The following TLK1 variants were observed in gnomAD, a reference collection of about 807,000 sequenced individuals.
TLK1 encodes the protein serine/threonine-protein kinase tousled-like 1.
In TLK1, 24 loss-of-function variants were observed where a neutral mutation model predicts 105.3. The ratio of observed to expected loss-of-function variants is 0.23; its 90% CI spans 0.17 to 0.32. The LOEUF (loss-of-function observed/expected upper bound fraction) is 0.32. TLK1 is among the 10% of genes least tolerant of loss of function. TLK1 has a pLI of 1.00. For missense variants in TLK1, 558 were observed against 910.5 expected (o/e 0.61, Z 4.98); for synonymous variants, 321 against 310.4 (o/e 1.03, Z -0.36).
rs1018211660 is a variant in TLK1, at chr2:171,103,281, T to TATATATATATATATATAA, written c.258+14457_258+14458insTTATATATATATATATAT. On this transcript the variant is annotated intron_variant, in intron 2 of 20. Transcript: ENST00000431350. ...TCTCAAATTTATATATATATATATA[T>TATATATATATATATATAA]AATTTTTTTTGAGACATAAGTCACA... Among the ~76,000 whole-genome samples, 67 of 150,144 alleles carry TATATATATATATATATAA rather than the reference T, an allele frequency of 4.5e-4. 1 individual carries two copies. Among genetic ancestry groups the TATATATATATATATATAA allele is most frequent in the African/African-American group, 1.5e-3 (60 of 40,130 alleles).
intron 1 of TLK1, among the ~76,000 whole-genome samples, chr2:171,150,386 A>G (rs1691984542): frequency 6.6e-6 from 1 of 152,232 alleles, no homozygotes; most frequent in Non-Finnish European, 1.5e-5. Flanking sequence ...ATGATTCGCT[A>G]TAGTTGTTTT....
chr2:171,038,086 T>C (rs1050976690), intron 11 of TLK1, among the ~76,000 whole-genome samples: 8 of 152,216 alleles, frequency 5.3e-5, no homozygotes, highest in African/African-American at 1.7e-4. Context: ...TTGGTTCCAC[T>C]GTATTTTTCT....
chr2:171,206,102 G>A (rs1397621069), intron 1 of TLK1, among the ~76,000 whole-genome samples: 1 of 152,152 alleles, frequency 6.6e-6, no homozygotes, highest in Non-Finnish European at 1.5e-5. Flanking sequence ...TACAACTGAA[G>A]ATGGGAAAAA....
intron 1 of TLK1, among the ~76,000 whole-genome samples, chr2:171,230,036 A>G (rs1480951190): frequency 2.0e-5 from 3 of 152,194 alleles, no homozygotes; most frequent in Admixed American, 2.0e-4. Context: ...AGTAAAAAAA[A>G]AAGACTAATA....
chr2:171,026,830 T>A (rs963414492), intron 12 of TLK1, among the ~76,000 whole-genome samples: 2 of 152,168 alleles, frequency 1.3e-5, no homozygotes, highest in Non-Finnish European at 2.9e-5. Context: ...AGAACTATTA[T>A]GATAGTTATA....
At chr2:171,066,665 A>G (rs563986601) in intron 3 of TLK1, among the ~76,000 whole-genome samples, 1 of 152,340 alleles carries the variant, frequency 6.6e-6, no homozygotes, top group South Asian at 2.1e-4. Flanking sequence ...TGTTTAAAGG[A>G]GTATACTAAG....
chr2:171,103,228 G>C (rs1027751552), intron 2 of TLK1, among the ~76,000 whole-genome samples: 2 of 146,632 alleles, frequency 1.4e-5, no homozygotes, highest in Non-Finnish European at 3.0e-5. Context: ...GAAGTTTGGG[G>C]AAGGTTCTGA....
chr2:171,000,376 C>CAAAAAAAAAA (rs34800888), intron 18 of TLK1, among the ~76,000 whole-genome samples: 1 of 78,378 alleles, frequency 1.3e-5, no homozygotes, highest in Non-Finnish European at 2.5e-5. Context: ...GAAACTCTGT[C>CAAAAAAAAAA]AAAAAAAAAA....
At position 171,013,774 on chromosome 2, in the gene TLK1, T is replaced by C. The variant is rs555704263; in HGVS notation, c.1334+1077A>G. Among the ~76,000 whole-genome samples, 129 of 152,324 alleles carry C rather than the reference T, an allele frequency of 8.5e-4. 1 individual carries two copies. The Middle Eastern group carries it at 0.031, about 36-fold the overall frequency. Reference sequence around the variant, plus strand: ...CACACAGAAATTGGCCACTTCCTATTCTGATACTTATATTAACTCATGAAG... The same window carrying C: ...CACACAGAAATTGGCCACTTCCTATCCTGATACTTATATTAACTCATGAAG... On this transcript the variant is annotated intron_variant, in intron 13 of 20. Coordinates refer to ENST00000431350, the MANE Select transcript of TLK1 (RefSeq NM_012290.5).
intron 1 of TLK1, among the ~76,000 whole-genome samples, chr2:171,178,000 G>T (rs1692864013): frequency 6.6e-6 from 1 of 151,892 alleles, no homozygotes; most frequent in African/African-American, 2.4e-5. Flanking sequence ...CTCCATGTTG[G>T]CCAGGCTGGT....
intron 1 of TLK1, among the ~76,000 whole-genome samples, chr2:171,202,194 G>A (rs777932890): frequency 2.6e-5 from 4 of 152,330 alleles, no homozygotes; most frequent in Non-Finnish European, 4.4e-5. Flanking sequence ...GGTGGCTCAC[G>A]CCTGTAATCC....
At chr2:171,067,022 T>TC in intron 3 of TLK1, 1 of 1,488,748 alleles carries the variant, frequency 6.7e-7, no homozygotes, top group Non-Finnish European at 8.9e-7. Context: ...ATTGTGACAC[T>TC]CACAATGGAG....
chr2:170,994,018 A>G, intron 20 of TLK1, 62 bp from the exon 21 acceptor site: 1 of 1,488,358 alleles, frequency 6.7e-7, no homozygotes, highest in Non-Finnish European at 9.0e-7. Flanking sequence ...ATATCAATCA[A>G]CTGAATCAGC....
chr2:171,033,703 T>C (rs1036517572), intron 11 of TLK1, among the ~76,000 whole-genome samples: 2 of 148,638 alleles, frequency 1.3e-5, no homozygotes, highest in Non-Finnish European at 3.0e-5. Flanking sequence ...GCAAAAGTAA[T>C]TGCGGTTTTT....
intron 12 of TLK1, among the ~76,000 whole-genome samples, chr2:171,026,120 C>A (rs2105389818): frequency 6.6e-6 from 1 of 151,862 alleles, no homozygotes; most frequent in South Asian, 2.1e-4. Flanking sequence ...TAAGACTGCT[C>A]AGTAAATTTG....
At chr2:171,038,225 C>T (rs1343372436) in intron 11 of TLK1, among the ~76,000 whole-genome samples, 4 of 152,064 alleles carry the variant, frequency 2.6e-5, no homozygotes, top group Non-Finnish European at 4.4e-5. Context: ...TTTTAAAAAT[C>T]AATCATATCA....
intron 1 of TLK1, among the ~76,000 whole-genome samples, chr2:171,123,057 T>TAAATACAC (rs376713876): frequency 1.4e-5 from 2 of 141,218 alleles, no homozygotes; most frequent in Non-Finnish European, 3.1e-5. Flanking sequence ...AATAAATAAA[T>TAAATACAC]ACACACACAC....
intron 1 of TLK1, among the ~76,000 whole-genome samples, chr2:171,159,284 T>C (rs1692356575): frequency 6.6e-6 from 1 of 152,228 alleles, no homozygotes; most frequent in Non-Finnish European, 1.5e-5. Flanking sequence ...CCGCTAAGCT[T>C]TTTCCAGACT....
chr2:171,160,400 A>G lies in TLK1; in HGVS notation c.29T>C (p.Leu10Ser). The G allele has an allele frequency of 6.2e-7, 1 of 1,603,358 alleles. No homozygotes were observed. Among genetic ancestry groups the G allele is most frequent in the Non-Finnish European group, 8.5e-7 (1 of 1,175,582 alleles). Reference protein sequence around the residue: MSVQSSSGSLEGPPSWSQLS... With the variant: MSVQSSSGSSEGPPSWSQLS... ...CTGGGACCAAGATGGCGGCCCCTCC[A>G]AACTTCCACTGCTACTTTGGACACT... The change falls in exon 1 of 21, where the codon TTG (leucine) becomes TCG (serine). Residue 10 changes from leucine to serine, a missense_variant. Physicochemically the swap from Leu to Ser is moderately radical, Grantham distance 145 (BLOSUM62 -2). Transcript: ENST00000431350. This position sits in a 1 kb window ranked among gnomAD's most constrained non-coding sequence, Gnocchi z 4.4.
Sources: gnomAD v4.1 joint callset for allele counts (sites outside exome capture counted in the v4.1 genomes callset) on GRCh38, gnomAD v4.1.1 for gene constraint, Gnocchi (gnomAD v3.1) non-coding constraint, MANE v1.5 for transcripts, NCBI Gene and HGNC (gene_info 2026-07-23, HGNC 2026-07-21) for gene names.